MTMR2: variants seen among roughly 807,000 people sequenced by gnomAD.
MTMR2 encodes phosphatidylinositol-3,5-bisphosphate 3-phosphatase MTMR2.
MTMR2 carries 55 observed loss-of-function variants against 86.9 expected under a neutral mutation model. The ratio of observed to expected loss-of-function variants is 0.63; its 90% CI spans 0.51 to 0.79. The LOEUF (loss-of-function observed/expected upper bound fraction) is 0.79, where lower values mean the gene tolerates loss of function less well. Among genes scored for constraint, MTMR2 ranks in the 30% least tolerant of loss-of-function variants. The pLI is 0.00. For missense variants in MTMR2, 659 were observed against 772.3 expected (o/e 0.85, Z 1.74); for synonymous variants, 241 against 266.8 (o/e 0.90, Z 0.94).
intron 5 of MTMR2, among the ~76,000 whole-genome samples, chr11:95,859,962 G>A (rs1301476049): frequency 6.6e-6 from 1 of 152,116 alleles, no homozygotes; most frequent in Admixed American, 6.6e-5. Context: ...GAATCATTCT[G>A]TTAACCACAG....
intron 2 of MTMR2, among the ~76,000 whole-genome samples, chr11:95,871,932 C>T (rs1864905159): frequency 6.6e-6 from 1 of 152,094 alleles, no homozygotes; most frequent in Non-Finnish European, 1.5e-5. Flanking sequence ...GGAAGGGATC[C>T]AGTTTCAGCT....
chr11:95,903,337 A>T (rs1866142933), intron 1 of MTMR2, among the ~76,000 whole-genome samples: 1 of 152,120 alleles, frequency 6.6e-6, no homozygotes, highest in Non-Finnish European at 1.5e-5. Context: ...CGCTTTTCCC[A>T]GCTTTTAAAA....
In MTMR2 at chr11:95,868,790, A is replaced by G. The variant is rs532368372; in HGVS notation, c.187-3114T>C. ...ATTACCTTTGAAGAAAGCAAAATCA[A>G]GTTAGCTTCAAGGTTATCTATAATA... On this transcript the variant is annotated intron_variant, in intron 2 of 14. Transcript: ENST00000346299. Among the ~76,000 whole-genome samples the G allele has an allele frequency of 2.6e-5, 4 of 152,214 alleles. No individual in the cohort carries two copies. The South Asian group carries it at 8.3e-4, about 32-fold the overall frequency.
intron 1 of MTMR2, among the ~76,000 whole-genome samples, chr11:95,899,556 C>T (rs904762874): frequency 6.6e-6 from 1 of 151,180 alleles, no homozygotes; most frequent in Non-Finnish European, 1.5e-5. Flanking sequence ...TATATGCTCC[C>T]CAATTATAGC....
intron 1 of MTMR2, among the ~76,000 whole-genome samples, chr11:95,916,150 T>C (rs1264256331): frequency 6.6e-6 from 1 of 152,138 alleles, no homozygotes; most frequent in Non-Finnish European, 1.5e-5. Context: ...TTGCAGACTT[T>C]AGGTGGAAAA....
intron 2 of MTMR2, among the ~76,000 whole-genome samples, chr11:95,887,269 T>C (rs1236910235): frequency 6.6e-6 from 1 of 152,150 alleles, no homozygotes; most frequent in Non-Finnish European, 1.5e-5. Context: ...AGCCACATGT[T>C]TGGAATAAAA....
intron 5 of MTMR2, among the ~76,000 whole-genome samples, chr11:95,861,110 A>G (rs1315415823): frequency 6.6e-6 from 1 of 150,690 alleles, no homozygotes; most frequent in Non-Finnish European, 1.5e-5. Flanking sequence ...CAGTGAGCTG[A>G]GATTGTGCCA....
chr11:95,900,627 ATT>A (rs67412882), intron 1 of MTMR2, among the ~76,000 whole-genome samples: 9 of 147,836 alleles, frequency 6.1e-5, no homozygotes, highest in South Asian at 2.1e-4. Context: ...TGTAGATAAC[ATT>A]TTTTTTTTTT....
intron 13 of MTMR2, among the ~76,000 whole-genome samples, chr11:95,837,801 A>G (rs908763829): frequency 2.0e-5 from 3 of 152,070 alleles, no homozygotes; most frequent in African/African-American, 7.2e-5. Flanking sequence ...CTACATGGAA[A>G]AATTGGTACA....
chr11:95,894,434 A>C (rs1408192306), intron 1 of MTMR2, among the ~76,000 whole-genome samples: 1 of 152,192 alleles, frequency 6.6e-6, no homozygotes, highest in East Asian at 1.9e-4. Context: ...ATTATTATTT[A>C]TGACAACTGA....
intron 7 of MTMR2, among the ~76,000 whole-genome samples, chr11:95,851,369 T>C (rs769941033): frequency 6.6e-6 from 1 of 151,762 alleles, no homozygotes; most frequent in South Asian, 2.1e-4. Context: ...TATTTATTTA[T>C]TTATTTTTTT....
In MTMR2 at chr11:95,850,816, A is replaced by G. The variant is rs545213548; in HGVS notation, c.655-67T>C. ...AAAATATTAAACGACACCAGGACAGAAGCCATCCTGTTCAATCTCTCTGAC... is the reference window on the plus strand; with the variant it reads ...AAAATATTAAACGACACCAGGACAGGAGCCATCCTGTTCAATCTCTCTGAC... On this transcript the variant is annotated intron_variant, in intron 7 of 14. Transcript: ENST00000346299. The G allele has an allele frequency of 8.2e-6, 12 of 1,465,380 alleles. No homozygotes were observed. The African/African-American group carries it at 1.4e-4, about 17-fold the overall frequency. 90.8% of individuals were successfully genotyped at this position (1,465,380 alleles called of 1,614,324 possible).
At chr11:95,888,800 G>A (rs2135550542) in intron 1 of MTMR2, among the ~76,000 whole-genome samples, 1 of 152,142 alleles carries the variant, frequency 6.6e-6, no homozygotes, top group South Asian at 2.1e-4. Context: ...AGCCAATTCT[G>A]GCCAGAAAGT....
chr11:95,846,101 C>T (rs1303608362), intron 10 of MTMR2, among the ~76,000 whole-genome samples: 2 of 152,118 alleles, frequency 1.3e-5, no homozygotes, highest in Non-Finnish European at 2.9e-5. Context: ...TATCAAGAGT[C>T]ATTTGTAAGC....
chr11:95,871,308 G>A (rs866266436), intron 2 of MTMR2, among the ~76,000 whole-genome samples: 4 of 152,114 alleles, frequency 2.6e-5, no homozygotes, highest in Admixed American at 6.5e-5. Flanking sequence ...CTGAGGAATC[G>A]CCACACTGAC....
chr11:95,873,382 A>G (rs1864971201), intron 2 of MTMR2, among the ~76,000 whole-genome samples: 2 of 152,120 alleles, frequency 1.3e-5, no homozygotes, highest in Admixed American at 1.3e-4. Context: ...TAGATTTTCT[A>G]GTTTATTTGC....
intron 1 of MTMR2, among the ~76,000 whole-genome samples, chr11:95,904,585 AGTGACGGAG>A (rs1866187640): frequency 6.6e-6 from 1 of 152,198 alleles, no homozygotes; most frequent in Admixed American, 6.5e-5. Context: ...AAACCAAGAT[AGTGACGGAG>A]GTGACCTTTG....
At position 95,845,051 on chromosome 11, in the gene MTMR2, G is replaced by A. The variant is rs1293083454; in HGVS notation, c.1288C>T (p.Leu430Phe). The A allele has an allele frequency of 6.2e-7, 1 of 1,613,838 alleles. No individual in the cohort carries two copies. The highest frequency in any genetic ancestry group is 8.5e-7 in the Non-Finnish European group (1 of 1,179,882). The change falls in exon 11 of 15, where the codon CTT (leucine) becomes TTT (phenylalanine). Residue 430 changes from leucine (L) to phenylalanine (F), a missense_variant. Leu to Phe is a conservative substitution (Grantham distance 22). This residue lies in a region of MTMR2 where 387 missense variants were observed against 526.3 expected (regional missense o/e 0.74). Coordinates refer to ENST00000346299, the MANE Select transcript of MTMR2 (RefSeq NM_016156.6). ...TATCCATCCAACATGAGCATGGCAA[G>A]GGAAGTGAGCTGAGCTGTGCGATCC... is the stretch of plus-strand genomic sequence containing the variant. ...GWDRTAQLTS[L>F]AMLMLDGYYR...
At position 95,879,449 on chromosome 11, in the gene MTMR2, A is replaced by T. The variant is rs188963673; in HGVS notation, c.186+8707T>A. Among the ~76,000 whole-genome samples the T allele has an allele frequency of 8.5e-5, 13 of 152,180 alleles. No individual in the cohort carries two copies. The East Asian group carries it at 2.5e-3, about 29-fold the overall frequency. On this transcript the variant is annotated intron_variant, in intron 2 of 14. Transcript: ENST00000346299. ...TTTGTGTACATTACATTCACCTATA[A>T]TTTTTTCAGATTTGTTTTTTACAAA...
Sources: allele counts gnomAD v4.1 joint callset (sites outside exome capture counted in the v4.1 genomes callset), GRCh38; gene constraint gnomAD v4.1.1; regional missense constraint gnomAD v4.1.1; transcripts MANE v1.5; gene names NCBI Gene and HGNC (gene_info 2026-07-23, HGNC 2026-07-21).